ABHD2: variants seen among roughly 807,000 people sequenced by gnomAD.
ABHD2 encodes monoacylglycerol lipase ABHD2.
In ABHD2, 20 loss-of-function variants were observed where a neutral mutation model predicts 48.1. The observed-to-expected ratio is 0.42, with a 90% CI of 0.29 to 0.60. The LOEUF (loss-of-function observed/expected upper bound fraction) is 0.60. ABHD2 is among the 20% of genes least tolerant of loss of function. The pLI, the probability that ABHD2 is intolerant of heterozygous loss-of-function variation, is 0.24. For missense variants in ABHD2, 405 were observed against 550.9 expected (o/e 0.74, Z 2.65); for synonymous variants, 209 against 214.2 (o/e 0.98, Z 0.21).
intron 3 of ABHD2, among the ~76,000 whole-genome samples, chr15:89,150,519 C>T (rs2050573723): frequency 6.6e-6 from 1 of 152,174 alleles, no homozygotes; most frequent in Non-Finnish European, 1.5e-5. Flanking sequence ...TCTTAAAATA[C>T]TCTTTCCCCT....
chr15:89,106,990 CCTT>C lies in ABHD2; in HGVS notation c.-106-6732_-106-6730del, dbSNP rs1321665803. On this transcript the variant is annotated intron_variant, in intron 1 of 10. Coordinates refer to ENST00000352732, the MANE Select transcript of ABHD2 (RefSeq NM_152924.5). The surrounding 1 kb of genome is among the most constrained non-coding windows in gnomAD (Gnocchi z 4.2). ...GTGGTGTGCTGTGGCCTTCTGCTGT[CCTT>C]CTCCTGACATCCTCACAGGGTACTT... 6.6e-6 allele frequency among the ~76,000 whole-genome samples: 1 copy of C among 152,190 alleles called. No individual in the cohort carries two copies. The highest frequency in any genetic ancestry group is 2.4e-5 in the African/African-American group (1 of 41,438).
intron 5 of ABHD2, among the ~76,000 whole-genome samples, chr15:89,159,878 T>A (rs1596130556): frequency 6.6e-6 from 1 of 152,124 alleles, no homozygotes; most frequent in African/African-American, 2.4e-5. Context: ...AGAAAAAAAA[T>A]GGGTGTCTTC....
intron 1 of ABHD2, among the ~76,000 whole-genome samples, chr15:89,111,466 G>T (rs1329193852): frequency 6.6e-6 from 1 of 152,200 alleles, no homozygotes; most frequent in Non-Finnish European, 1.5e-5. Context: ...CCATTAAGTT[G>T]TCAAGAATTC....
chr15:89,082,356 A>G, the ABHD2 span: 3 of 152,322 alleles, frequency 2.0e-5, no homozygotes, highest in Non-Finnish European at 4.4e-5. This position sits in a 1 kb window ranked among gnomAD's most constrained non-coding sequence, Gnocchi z 4.4. Context: ...AGGGGCTGAG[A>G]CGAAGCCATT....
intron 5 of ABHD2, among the ~76,000 whole-genome samples, chr15:89,170,080 C>CTTTTTT (rs748983183): frequency 0.028 from 1,036 of 37,510 alleles, 335 homozygotes; most frequent in East Asian, 0.089. Flanking sequence ...AGATCAGATT[C>CTTTTTT]TTTTTTTTTT....
intron 3 of ABHD2, among the ~76,000 whole-genome samples, chr15:89,117,553 G>A (rs2049981154): frequency 6.6e-6 from 1 of 152,208 alleles, no homozygotes; most frequent in Non-Finnish European, 1.5e-5. Context: ...TTGTCATGCT[G>A]CTTCACTCGC....
At chr15:89,051,274 C>A in the ABHD2 span, among the ~76,000 whole-genome samples, 1 of 152,136 alleles carries the variant, frequency 6.6e-6, no homozygotes, top group African/African-American at 2.4e-5. Context: ...TGTTTCAGAG[C>A]CTGGCACATA....
rs539926875 is a variant in ABHD2, at chr15:89,188,026, A to C, written c.816-167A>C. ...CTGAAAAGGGAAATAAGGTTTTGAC[A>C]TTAACAGCGCCAGCTCATCCTCTGG... is the stretch of plus-strand genomic sequence containing the variant. On this transcript the variant is annotated intron_variant, in intron 7 of 10. Transcript: ENST00000352732. This position sits in a 1 kb window ranked among gnomAD's most constrained non-coding sequence, Gnocchi z 4.1. Among the ~76,000 whole-genome samples the C allele has an allele frequency of 3.3e-5, 5 of 152,358 alleles. No homozygotes were observed. Among genetic ancestry groups the C allele is most frequent in the Admixed American group, 3.3e-4 (5 of 15,312 alleles).
chr15:89,166,224 G>A lies in ABHD2; in HGVS notation c.539-9588G>A, dbSNP rs1351606034. The stretch of plus-strand genomic sequence containing the variant: ...GGTAACGAGTCCCTTAGGATCATGA[G>A]CCTTCTAAGAACTTAGTACCCATCT... On this transcript the variant is annotated intron_variant, in intron 5 of 10. Transcript: ENST00000352732. This position sits in a 1 kb window ranked among gnomAD's most constrained non-coding sequence, Gnocchi z 4.6. Among the ~76,000 whole-genome samples, 2 of 152,218 alleles carry A rather than the reference G, an allele frequency of 1.3e-5. No individual in the cohort carries two copies. The highest frequency in any genetic ancestry group is 2.9e-5 in the Non-Finnish European group (2 of 68,042).
At position 89,116,535 on chromosome 15, in the gene ABHD2, A is replaced by C. The variant is rs1173670205; in HGVS notation, c.194+14A>C. On this transcript the variant is annotated intron_variant, in intron 3 of 10. Transcript: ENST00000352732. This position sits in a 1 kb window ranked among gnomAD's most constrained non-coding sequence, Gnocchi z 4.6. ...TCTGACCAAAGAGTGAGTAGACCTC[A>C]TGCCCTCTGTATGCTCAGCTGCTGA... is the stretch of plus-strand genomic sequence containing the variant. 6.2e-7 allele frequency: 1 copy of C among 1,608,058 alleles called. No individual in the cohort carries two copies. Among genetic ancestry groups the C allele is most frequent in the Admixed American group, 1.7e-5 (1 of 59,268 alleles).
chr15:89,070,958 C>T, the ABHD2 span, among the ~76,000 whole-genome samples: 3 of 151,910 alleles, frequency 2.0e-5, no homozygotes, highest in Non-Finnish European at 2.9e-5. Context: ...CTAATGAAGG[C>T]GTGTGCCTTC....
intron 3 of ABHD2, among the ~76,000 whole-genome samples, chr15:89,124,025 T>C (rs1432482370): frequency 6.6e-6 from 1 of 152,228 alleles, no homozygotes; most frequent in East Asian, 1.9e-4. Context: ...CATTTTTCTT[T>C]TATCTGCCCC....
chr15:89,116,428 A>G lies in ABHD2; in HGVS notation c.101A>G (p.Asn34Ser), dbSNP rs1307262433. The G allele has an allele frequency of 6.2e-7, 1 of 1,614,098 alleles. No individual in the cohort carries two copies. The highest frequency in any genetic ancestry group is 1.3e-5 in the African/African-American group (1 of 75,022). ...AVLYVIVRCL[N>S]LKSPTAPPDL... ...CTGTACGTGATCGTCCGGTGTTTGA[A>G]CCTGAAGAGCCCCACAGCCCCACCT... is the stretch of plus-strand genomic sequence containing the variant. The change falls in exon 3 of 11, where the codon AAC becomes AGC. Residue 34 changes from asparagine (N) to serine (S), a missense_variant. Asn to Ser is a conservative substitution (Grantham distance 46, BLOSUM62 1). Coordinates refer to ENST00000352732, the MANE Select transcript of ABHD2 (RefSeq NM_152924.5). This position sits in a 1 kb window ranked among gnomAD's most constrained non-coding sequence, Gnocchi z 4.6.
rs545805263 is a variant in ABHD2 at position 89,172,271 on chromosome 15, A to T, written c.539-3541A>T. Among the ~76,000 whole-genome samples the T allele has an allele frequency of 1.3e-4, 20 of 152,340 alleles. No homozygotes were observed. In the East Asian group the frequency reaches 3.7e-3, roughly 28 times the overall value. ...TTTCATCTTGCAAAACTAAAACTAT[A>T]CCCATTAAACAACAACTCCCTAGCC... On this transcript the variant is annotated intron_variant, in intron 5 of 10. Transcript: ENST00000352732.
At chr15:89,171,674 G>T (rs1225958822) in intron 5 of ABHD2, among the ~76,000 whole-genome samples, 1 of 152,186 alleles carries the variant, frequency 6.6e-6, no homozygotes, top group African/African-American at 2.4e-5. Context: ...GCCCCCATCT[G>T]TGAAGGTTGT....
Position 89,135,143 on chromosome 15 carries a change from C to CTTTTTT in ABHD2, c.195-16521_195-16516dup, listed in dbSNP as rs3049683. Among the ~76,000 whole-genome samples the CTTTTTT allele has an allele frequency of 9.8e-5, 11 of 112,164 alleles. 1 individual carries two copies. The highest frequency in any genetic ancestry group is 2.6e-4 in the African/African-American group (8 of 31,194). 73.6% of individuals were successfully genotyped at this position (112,164 alleles called of 152,430 possible). A position where few individuals can be genotyped will look rare whatever the true frequency, so the allele number is the denominator to read the frequency against. On this transcript the variant is annotated intron_variant, in intron 3 of 10. Transcript: ENST00000352732. Reference sequence around the variant, plus strand: ...GTCAACAAAATGGCTACAACTTTTTCTTTTTTTTTTTTTTTTTTGCAATTA... The same window carrying CTTTTTT: ...GTCAACAAAATGGCTACAACTTTTTCTTTTTTTTTTTTTTTTTTTTTTTTGCAATTA...
rs2050585245 is a variant in ABHD2 at position 89,151,196 on chromosome 15, CTG to C, written c.195-480_195-479del. On this transcript the variant is annotated intron_variant, in intron 3 of 10. Transcript: ENST00000352732. This position sits in a 1 kb window ranked among gnomAD's most constrained non-coding sequence, Gnocchi z 4.7. Reference sequence around the variant, plus strand: ...AATTTGCAGCCCTTCCCAGCACTAACTGAGAGTAGCAGGTTTGGCTAATGGAG... The same window carrying C: ...AATTTGCAGCCCTTCCCAGCACTAACAGAGTAGCAGGTTTGGCTAATGGAG... Among the ~76,000 whole-genome samples the C allele has an allele frequency of 6.6e-6, 1 of 152,226 alleles. No individual in the cohort carries two copies. Among genetic ancestry groups the C allele is most frequent in the Non-Finnish European group, 1.5e-5 (1 of 68,036 alleles).
At chr15:89,070,356 G>C in the ABHD2 span, among the ~76,000 whole-genome samples, 1 of 152,164 alleles carries the variant, frequency 6.6e-6, no homozygotes, top group South Asian at 2.1e-4. Context: ...TCCTAGAGGG[G>C]CAACAGATAT....
chr15:89,191,667 G>A (rs1254134897), intron 9 of ABHD2, among the ~76,000 whole-genome samples: 1 of 135,244 alleles, frequency 7.4e-6, no homozygotes, highest in Admixed American at 7.7e-5. Flanking sequence ...TCGCTCTGTC[G>A]CCCAGGCTGG....
Sources: gnomAD v4.1 joint callset for allele counts (sites outside exome capture counted in the v4.1 genomes callset) on GRCh38, gnomAD v4.1.1 for gene constraint, Gnocchi (gnomAD v3.1) non-coding constraint, MANE v1.5 for transcripts, NCBI Gene and HGNC (gene_info 2026-07-23, HGNC 2026-07-21) for gene names.